PHKA1: variants seen among roughly 807,000 people sequenced by gnomAD.
The protein encoded by PHKA1 is phosphorylase kinase regulatory subunit alpha 1.
Under a neutral mutation model 110.2 loss-of-function variants are expected in PHKA1, and 60 were observed. The ratio of observed to expected loss-of-function variants is 0.54; its 90% confidence interval spans 0.44 to 0.68. PHKA1 has a LOEUF of 0.68. Ranked by LOEUF, PHKA1 falls within the 30% of genes least tolerant of loss-of-function variation. The pLI is 0.00. For synonymous variants in PHKA1, 316 were observed against 333.6 expected (o/e 0.95, Z 0.58); for missense variants, 801 against 942.5 (o/e 0.85, Z 1.97).
At chrX:72,613,492 T>C (rs1556264034) in intron 21 of PHKA1, among the ~76,000 whole-genome samples, 1 of 111,109 alleles carries the variant, frequency 9.0e-6, no homozygotes, top group Non-Finnish European at 1.9e-5. Flanking sequence ...TCACTGTATA[T>C]TCTTTTGTAC....
intron 23 of PHKA1, among the ~76,000 whole-genome samples, chrX:72,607,211 C>T (rs1264984459): frequency 9.0e-6 from 1 of 111,493 alleles, no homozygotes; most frequent in East Asian, 2.8e-4. Context: ...ATCAATATAC[C>T]GATTTCCTTT....
chrX:72,676,276 T>G, intron 5 of PHKA1, 126 bp from the exon 6 acceptor site: 1 of 421,250 alleles, frequency 2.4e-6, no homozygotes. Context: ...TATATATATA[T>G]ACCCACAATG....
At chrX:72,688,290 G>T (rs1221651404) in intron 4 of PHKA1, among the ~76,000 whole-genome samples, 2 of 112,211 alleles carry the variant, frequency 1.8e-5, no homozygotes, top group African/African-American at 6.5e-5. Flanking sequence ...CAGAAGCAAA[G>T]TGGCAAAGTG....
At chrX:72,667,221 G>A (rs1245539789) in intron 7 of PHKA1, among the ~76,000 whole-genome samples, 154 bp downstream of exon 7, 1 of 112,596 alleles carries the variant, frequency 8.9e-6, no homozygotes, top group African/African-American at 3.2e-5. Flanking sequence ...GCTTATCTCA[G>A]TATAGTATGC....
At chrX:72,581,223 C>A (rs1556201400) in intron 31 of PHKA1, 48 bp from the exon 32 acceptor site, 1 of 821,220 alleles carries the variant, frequency 1.2e-6, no homozygotes, top group East Asian at 3.1e-5. Flanking sequence ...GGAAAAATTA[C>A]CAATCTTACT....
chrX:72,666,755 C>T (rs1480670211), intron 7 of PHKA1, among the ~76,000 whole-genome samples: 1 of 111,921 alleles, frequency 8.9e-6, no homozygotes, highest in African/African-American at 3.2e-5. Context: ...GGCTCAGCTC[C>T]TCTACTTCTG....
chrX:72,641,929 T>C (rs1012169766), intron 14 of PHKA1, among the ~76,000 whole-genome samples: 7 of 111,952 alleles, frequency 6.3e-5, no homozygotes, highest in Middle Eastern at 4.6e-3. Context: ...ACCGTGGTCA[T>C]AGCATTTATA....
intron 29 of PHKA1, among the ~76,000 whole-genome samples, chrX:72,588,393 C>T (rs1556218490): frequency 8.9e-6 from 1 of 111,891 alleles, no homozygotes; most frequent in Non-Finnish European, 1.9e-5. Context: ...AGAACAAAGA[C>T]ACAACATACC....
At chrX:72,712,967 G>A (rs1556335409) in intron 1 of PHKA1, 30 bp from the exon 2 acceptor site, 2 of 1,199,530 alleles carry the variant, frequency 1.7e-6, no homozygotes, top group Non-Finnish European at 2.3e-6. Flanking sequence ...AGGGCAGGAA[G>A]GTAACCATAG....
intron 14 of PHKA1, among the ~76,000 whole-genome samples, chrX:72,639,338 C>G (rs908852084): frequency 4.5e-5 from 5 of 111,204 alleles, no homozygotes; most frequent in East Asian, 2.8e-4. Flanking sequence ...GAGTTCGAGA[C>G]CAGCCTGGCC....
At chrX:72,634,240 C>T (rs2053201325) in intron 16 of PHKA1, among the ~76,000 whole-genome samples, 1 of 111,767 alleles carries the variant, frequency 8.9e-6, no homozygotes, top group South Asian at 3.7e-4. Context: ...TAAATGGGTA[C>T]TTGTGTTAAC....
At chrX:72,633,281 A>T (rs782336336) in intron 16 of PHKA1, among the ~76,000 whole-genome samples, 10 of 111,022 alleles carry the variant, frequency 9.0e-5, no homozygotes, top group Non-Finnish European at 1.9e-4. Context: ...CATGGATGGG[A>T]TCGGGGCCCT....
At chrX:72,682,032 G>A (rs1603270683) in intron 5 of PHKA1, among the ~76,000 whole-genome samples, 1 of 93,224 alleles carries the variant, frequency 1.1e-5, no homozygotes, top group African/African-American at 3.8e-5. Flanking sequence ...GGAGGTGGGG[G>A]GGTCGGCCCC....
chrX:72,595,965 G>A (rs2052584378), intron 28 of PHKA1, among the ~76,000 whole-genome samples: 1 of 112,108 alleles, frequency 8.9e-6, no homozygotes, highest in Admixed American at 9.5e-5. Flanking sequence ...AAGAATTGAA[G>A]TCAGAATCTT....
chrX:72,611,577 C>T (rs1238785688), intron 21 of PHKA1, among the ~76,000 whole-genome samples: 1 of 111,711 alleles, frequency 9.0e-6, no homozygotes, highest in African/African-American at 3.2e-5. Flanking sequence ...TAAAGAACTC[C>T]AACATGTAGA....
chrX:72,633,609 T>C (rs2053193178), intron 16 of PHKA1, among the ~76,000 whole-genome samples: 1 of 111,934 alleles, frequency 8.9e-6, no homozygotes, highest in Non-Finnish European at 1.9e-5. Context: ...TATCTTTCTT[T>C]TTCATTCTAC....
chrX:72,689,282 C>A (rs1028403853), intron 4 of PHKA1, among the ~76,000 whole-genome samples: 24 of 112,116 alleles, frequency 2.1e-4, no homozygotes, highest in Admixed American at 8.5e-4. Context: ...ACTGTCATCA[C>A]TCCAAAAGAA....
intron 8 of PHKA1, among the ~76,000 whole-genome samples, chrX:72,659,192 A>G (rs1374194454): frequency 9.0e-6 from 1 of 111,667 alleles, no homozygotes; most frequent in Non-Finnish European, 1.9e-5. Flanking sequence ...TTATAATCCA[A>G]TACTATGATA....
At chrX:72,680,355 T>G (rs1054080097) in intron 5 of PHKA1, among the ~76,000 whole-genome samples, 1 of 112,137 alleles carries the variant, frequency 8.9e-6, no homozygotes, top group South Asian at 3.7e-4. Flanking sequence ...AAAAGGCACA[T>G]TCATGTAGCG....
Sources: allele counts gnomAD v4.1 joint callset (sites outside exome capture counted in the v4.1 genomes callset), GRCh38; gene constraint gnomAD v4.1.1; transcripts MANE v1.5; gene names NCBI Gene and HGNC (gene_info 2026-07-23, HGNC 2026-07-21).